The following ZFP91 variants were observed in gnomAD, a reference collection of about 807,000 sequenced individuals.
ZFP91 encodes E3 ubiquitin-protein ligase ZFP91.
A neutral mutation model predicts 63.5 loss-of-function variants in ZFP91; 7 were observed. The observed-to-expected ratio is 0.11, with a 90% CI of 0.06 to 0.21. ZFP91 has a LOEUF of 0.21. Among genes scored for constraint, ZFP91 ranks in the 10% least tolerant of loss-of-function variants. The pLI is 1.00. For missense variants in ZFP91, 628 were observed against 736.6 expected (o/e 0.85, Z 1.71); for synonymous variants, 330 against 272.1 (o/e 1.21, Z -2.10).
chr11:58,611,247 A>G (rs1478805517), intron 5 of ZFP91, 193 bp downstream of exon 5: 1 of 500,296 alleles, frequency 2.0e-6, no homozygotes, highest in Non-Finnish European at 3.4e-6. Flanking sequence ...CATTTGTAGA[A>G]CTTTATTTTG....
At position 58,579,599 on chromosome 11, in the gene ZFP91, G is replaced by A; in HGVS notation, c.318G>A (p.Gln106=). The A allele has an allele frequency of 6.3e-7, 1 of 1,575,554 alleles. No individual in the cohort carries two copies. Among genetic ancestry groups the A allele is most frequent in the Non-Finnish European group, 8.6e-7 (1 of 1,164,794 alleles). ...PQAAKSPSPV[Q]GKKSPRLLCI... Reference sequence around the variant, plus strand: ...CCGCGAAGTCCCCGTCTCCAGTTCAGGGCAAGAAGAGTCCGCGACTCCTGT... The same window carrying A: ...CCGCGAAGTCCCCGTCTCCAGTTCAAGGCAAGAAGAGTCCGCGACTCCTGT... Residue 106 remains glutamine, a synonymous_variant, in exon 1 of 11, where the codon CAG becomes CAA. Coordinates refer to ENST00000316059, the MANE Select transcript of ZFP91 (RefSeq NM_053023.5).
intron 2 of ZFP91, among the ~76,000 whole-genome samples, chr11:58,591,063 G>A (rs1039277405): frequency 6.6e-6 from 1 of 152,072 alleles, no homozygotes; most frequent in East Asian, 1.9e-4. Context: ...CCCAGGGTGA[G>A]CCCAATCATG....
rs1220450867 is a variant in ZFP91, at chr11:58,620,981, C to T, written c.*3275C>T. On this transcript the variant is annotated 3_prime_UTR_variant, in exon 11 of 11. Coordinates refer to ENST00000316059, the MANE Select transcript of ZFP91 (RefSeq NM_053023.5). Reference sequence around the variant, plus strand: ...TTTCAAATCTTTGTTTTCTCTTATTCTAGGTAAGGCATATTAAAAATAAAT... The same window carrying T: ...TTTCAAATCTTTGTTTTCTCTTATTTTAGGTAAGGCATATTAAAAATAAAT... 1 of 152,428 alleles carries T rather than the reference C, an allele frequency of 6.6e-6. No individual in the cohort carries two copies. The highest frequency in any genetic ancestry group is 1.5e-5 in the Non-Finnish European group (1 of 68,010). 9.4% of individuals were successfully genotyped at this position (152,428 alleles called of 1,614,324 possible). A position where few individuals can be genotyped will look rare whatever the true frequency, so the allele number is the denominator to read the frequency against.
At position 58,618,428 on chromosome 11, in the gene ZFP91, C is replaced by T. The variant is rs1373987448; in HGVS notation, c.*722C>T. The stretch of plus-strand genomic sequence containing the variant: ...GGCTCCCAATAGGGAGGGGGCTGCC[C>T]TCTACAGTCTCTTTGACTGTAAGAC... On this transcript the variant is annotated 3_prime_UTR_variant, in exon 11 of 11. Transcript: ENST00000316059. 6.2e-6 allele frequency: 2 copies of T among 322,120 alleles called. No homozygotes were observed. Among genetic ancestry groups the T allele is most frequent in the African/African-American group, 2.2e-5 (1 of 45,174 alleles). The allele number at this position is 322,120 out of a possible 1,614,324, so 20.0% of individuals were successfully genotyped here.
chr11:58,618,766 A>G lies in ZFP91; in HGVS notation c.*1060A>G, dbSNP rs894343411. The G allele has an allele frequency of 6.7e-6, 3 of 449,738 alleles. No individual in the cohort carries two copies. Among genetic ancestry groups the G allele is most frequent in the Non-Finnish European group, 1.3e-5 (3 of 224,976 alleles). The allele number at this position is 449,738 out of a possible 1,614,324, so 27.9% of individuals were successfully genotyped here. On this transcript the variant is annotated 3_prime_UTR_variant, in exon 11 of 11. Transcript: ENST00000316059. ...AAGAAAGCTGGTCCTCAGCACTAACAAAATCACTACAATAGCCTAGTGCTT... is the reference window on the plus strand; with the variant it reads ...AAGAAAGCTGGTCCTCAGCACTAACGAAATCACTACAATAGCCTAGTGCTT...
intron 8 of ZFP91, 68 bp downstream of exon 8, chr11:58,612,908 T>C: frequency 7.3e-7 from 1 of 1,369,802 alleles, no homozygotes; most frequent in Non-Finnish European, 1.0e-6. Flanking sequence ...ACCACGAGAC[T>C]TTAATTTGTT....
chr11:58,611,430 C>T, intron 5 of ZFP91, 174 bp from the exon 6 acceptor site: 1 of 821,906 alleles, frequency 1.2e-6, no homozygotes, highest in Admixed American at 2.7e-5. Flanking sequence ...GCAACATATA[C>T]ATATATTTGG....
chr11:58,617,736 C>T lies in ZFP91; in HGVS notation c.*30C>T, dbSNP rs1271208731. The T allele has an allele frequency of 6.9e-7, 1 of 1,459,606 alleles. No individual in the cohort carries two copies. Among genetic ancestry groups the T allele is most frequent in the East Asian group, 2.4e-5 (1 of 40,914 alleles). 90.4% of individuals were successfully genotyped at this position (1,459,606 alleles called of 1,614,324 possible). ...CAGGAAGACTTGGGGCATGGGACAG[C>T]TCAGACTTTGTATTTAAAAGTTAAA... On this transcript the variant is annotated 3_prime_UTR_variant, in exon 11 of 11. Transcript: ENST00000316059. The surrounding 1 kb of genome is among the most constrained non-coding windows in gnomAD (Gnocchi z 4.2).
chr11:58,590,163 AAG>A (rs1406837929), intron 2 of ZFP91, among the ~76,000 whole-genome samples: 1 of 152,232 alleles, frequency 6.6e-6, no homozygotes, highest in Non-Finnish European at 1.5e-5. Context: ...CAAAACCTTT[AAG>A]AGAGACTTGC....
chr11:58,617,702 C>A lies in ZFP91; in HGVS notation c.1709C>A (p.Pro570His), dbSNP rs2134427341. The change falls in exon 11 of 11, where the codon CCT becomes CAT. Residue 570 changes from proline (P) to histidine (H), a missense_variant. By Grantham distance (77) the Pro-to-His change is moderately conservative. This residue lies in a region of ZFP91 where 115 missense variants were observed against 125.4 expected (regional missense o/e 0.92). Coordinates refer to ENST00000316059, the MANE Select transcript of ZFP91 (RefSeq NM_053023.5). This position sits in a 1 kb window ranked among gnomAD's most constrained non-coding sequence, Gnocchi z 4.2. ...VLIEDSDSAGP is the reference protein window; with the variant it reads ...VLIEDSDSAGH ...ATTGAAGATTCAGACTCTGCCGGAC[C>A]TTAGTGGACAGGAAGACTTGGGGCA... 6.7e-7 allele frequency: 1 copy of A among 1,498,388 alleles called. No individual in the cohort carries two copies. The highest frequency in any genetic ancestry group is 2.3e-5 in the East Asian group (1 of 42,798). The allele number at this position is 1,498,388 out of a possible 1,614,324, so 92.8% of individuals were successfully genotyped here.
At position 58,593,936 on chromosome 11, in the gene ZFP91, A is replaced by G. The variant is rs80028414; in HGVS notation, c.370+9052A>G. On this transcript the variant is annotated intron_variant, in intron 2 of 10. Transcript: ENST00000316059. ...TTCCTAAGTATTTCTTATATCTCTA[A>G]TTCTTTCCATATTCAGTGGTATTAC... 1.5e-3 allele frequency among the ~76,000 whole-genome samples: 225 copies of G among 152,160 alleles called. 1 individual carries two copies. The highest frequency in any genetic ancestry group is 5.3e-3 in the African/African-American group (219 of 41,498).
At chr11:58,591,489 A>G (rs768772745) in intron 2 of ZFP91, among the ~76,000 whole-genome samples, 6 of 151,838 alleles carry the variant, frequency 4.0e-5, no homozygotes, top group Non-Finnish European at 8.9e-5. Context: ...CAAATGTACA[A>G]TTTAGGGATC....
At position 58,618,441 on chromosome 11, in the gene ZFP91, TTGAC is replaced by T. The variant is rs1483487346; in HGVS notation, c.*738_*741del. 3 of 343,678 alleles carry T rather than the reference TTGAC, an allele frequency of 8.7e-6. No homozygotes were observed. The highest frequency in any genetic ancestry group is 6.5e-5 in the African/African-American group (3 of 46,126). The allele number at this position is 343,678 out of a possible 1,614,324, so 21.3% of individuals were successfully genotyped here. On this transcript the variant is annotated 3_prime_UTR_variant, in exon 11 of 11. Transcript: ENST00000316059. ...GAGGGGGCTGCCCTCTACAGTCTCT[TTGAC>T]TGTAAGACAGGGCTCTGTATCAGTG...
chr11:58,609,623 C>T (rs1855624364), intron 2 of ZFP91, among the ~76,000 whole-genome samples: 1 of 152,262 alleles, frequency 6.6e-6, no homozygotes, highest in African/African-American at 2.4e-5. Flanking sequence ...TACTACTTTG[C>T]AACATGAAGT....
At chr11:58,588,506 G>A (rs1855249121) in intron 2 of ZFP91, among the ~76,000 whole-genome samples, 1 of 151,890 alleles carries the variant, frequency 6.6e-6, no homozygotes, top group Non-Finnish European at 1.5e-5. Context: ...ATGCCTCTGT[G>A]CTCCATGTTT....
chr11:58,617,421 G>T lies in ZFP91; in HGVS notation c.1428G>T (p.Leu476Phe). The change falls in exon 11 of 11, where the codon TTG becomes TTT. Residue 476 changes from leucine (L) to phenylalanine (F), a missense_variant. This residue lies in a region of ZFP91 where 115 missense variants were observed against 125.4 expected (regional missense o/e 0.92). Transcript: ENST00000316059. This position sits in a 1 kb window ranked among gnomAD's most constrained non-coding sequence, Gnocchi z 4.2. ...AGALITSTDI[L>F]GTNPESLTQP... Reference sequence around the variant, plus strand: ...CCCTCATCACCAGCACAGATATCTTGGGCACTAACCCAGAGTCCCTGACGC... The same window carrying T: ...CCCTCATCACCAGCACAGATATCTTTGGCACTAACCCAGAGTCCCTGACGC... The T allele has an allele frequency of 6.2e-7, 1 of 1,613,690 alleles. No homozygotes were observed.
At chr11:58,591,421 AT>A (rs1855304015) in intron 2 of ZFP91, among the ~76,000 whole-genome samples, 2 of 152,188 alleles carry the variant, frequency 1.3e-5, no homozygotes, top group South Asian at 4.1e-4. Flanking sequence ...TGTGATGTAT[AT>A]TTTTGAAATA....
chr11:58,587,972 A>T (rs541398559), intron 2 of ZFP91, among the ~76,000 whole-genome samples: 1 of 152,276 alleles, frequency 6.6e-6, no homozygotes, highest in African/African-American at 2.4e-5. Flanking sequence ...TTAATGTTAG[A>T]TAGGTTATTT....
At chr11:58,591,891 C>G (rs1021617968) in intron 2 of ZFP91, among the ~76,000 whole-genome samples, 1 of 152,016 alleles carries the variant, frequency 6.6e-6, no homozygotes, top group Non-Finnish European at 1.5e-5. Context: ...ATCAGGGACT[C>G]GGTGTTGGTC....
Sources: allele counts gnomAD v4.1 joint callset (sites outside exome capture counted in the v4.1 genomes callset), GRCh38; gene constraint gnomAD v4.1.1; regional missense constraint gnomAD v4.1.1; non-coding constraint Gnocchi (gnomAD v3.1); transcripts MANE v1.5; gene names NCBI Gene and HGNC (gene_info 2026-07-23, HGNC 2026-07-21).